Variants in GALNTL6 observed in about 807,000 individuals in gnomAD.
The protein encoded by GALNTL6 is polypeptide N-acetylgalactosaminyltransferase-like 6.
GALNTL6 carries 46 observed loss-of-function variants against 73.7 expected under a neutral mutation model. The observed-to-expected ratio is 0.62, with a 90% CI of 0.49 to 0.80. GALNTL6 has a LOEUF of 0.80. GALNTL6 is among the 30% of genes least tolerant of loss of function. The pLI, the probability that GALNTL6 is intolerant of heterozygous loss-of-function variation, is 0.00. For synonymous variants in GALNTL6, 259 were observed against 263.7 expected, an observed-to-expected ratio of 0.98 and a Z score of 0.17; for missense variants, 604 against 755.0, an observed-to-expected ratio of 0.80 and a Z score of 2.34.
intron 2 of GALNTL6, among the ~76,000 whole-genome samples, chr4:172,156,989 G>A (rs998915293): frequency 6.6e-6 from 1 of 152,044 alleles, no homozygotes; most frequent in African/African-American, 2.4e-5. Context: ...ACTGTTAAGT[G>A]CCATTATCAT....
intron 3 of GALNTL6, among the ~76,000 whole-genome samples, chr4:172,292,110 T>A (rs1376223516): frequency 6.6e-6 from 1 of 152,118 alleles, no homozygotes; most frequent in Non-Finnish European, 1.5e-5. Flanking sequence ...AAACATGTAT[T>A]GTGTATCAAG....
chr4:172,917,592 A>T (rs890190149), intron 8 of GALNTL6, among the ~76,000 whole-genome samples: 2 of 152,240 alleles, frequency 1.3e-5, no homozygotes, highest in Non-Finnish European at 2.9e-5. Flanking sequence ...GGCGAAAGAC[A>T]TGAACAGACA....
intron 2 of GALNTL6, among the ~76,000 whole-genome samples, chr4:172,121,957 C>T (rs1733162020): frequency 6.8e-6 from 1 of 147,580 alleles, no homozygotes; most frequent in Admixed American, 6.8e-5. Flanking sequence ...TTAGGTGACA[C>T]TTTTTTTTTT....
chr4:172,068,628 A>G, intron 2 of GALNTL6, among the ~76,000 whole-genome samples: 1 of 109,454 alleles, frequency 9.1e-6, no homozygotes, highest in East Asian at 2.1e-4. Flanking sequence ...TCTTTATTCC[A>G]TCACTCTAGT....
At chr4:172,648,238 C>T (rs1010425293) in intron 5 of GALNTL6, among the ~76,000 whole-genome samples, 6 of 152,076 alleles carry the variant, frequency 3.9e-5, no homozygotes, top group African/African-American at 1.4e-4. Context: ...CGTTTGGAAG[C>T]CAAAGACTTA....
At chr4:171,922,762 T>C (rs1358013777) in intron 2 of GALNTL6, among the ~76,000 whole-genome samples, 2 of 152,154 alleles carry the variant, frequency 1.3e-5, no homozygotes, top group East Asian at 3.8e-4. Context: ...CTTTAGTATT[T>C]ATTTTCCTGA....
intron 7 of GALNTL6, among the ~76,000 whole-genome samples, chr4:172,842,867 T>A (rs541534114): frequency 1.3e-5 from 2 of 152,106 alleles, no homozygotes; most frequent in Admixed American, 6.5e-5. Flanking sequence ...ATAACCAAAG[T>A]GAGCCGTGAG....
intron 7 of GALNTL6, among the ~76,000 whole-genome samples, chr4:172,824,049 G>C (rs972415126): frequency 6.6e-6 from 1 of 152,170 alleles, no homozygotes; most frequent in South Asian, 2.1e-4. Flanking sequence ...CAGTGGGCTT[G>C]TTGGCGAGTA....
chr4:172,730,666 G>A (rs995397557), intron 5 of GALNTL6, among the ~76,000 whole-genome samples: 2 of 152,140 alleles, frequency 1.3e-5, no homozygotes, highest in Non-Finnish European at 2.9e-5. Flanking sequence ...GTTCTTCAGC[G>A]ATATTGGCCT....
intron 2 of GALNTL6, among the ~76,000 whole-genome samples, chr4:172,122,077 T>G (rs936166498): frequency 1.3e-5 from 2 of 151,502 alleles, no homozygotes; most frequent in African/African-American, 2.4e-5. Flanking sequence ...GACATTTCCT[T>G]GTTTAACCAA....
chr4:172,069,870 G>A (rs1462525288), intron 2 of GALNTL6, among the ~76,000 whole-genome samples: 1 of 107,104 alleles, frequency 9.3e-6, no homozygotes, highest in Non-Finnish European at 2.0e-5. Context: ...CTAGTTGTTC[G>A]GGGAAAAGTA....
chr4:172,277,098 A>G (rs554663003), intron 3 of GALNTL6, among the ~76,000 whole-genome samples: 1 of 152,092 alleles, frequency 6.6e-6, no homozygotes, highest in South Asian at 2.1e-4. Flanking sequence ...TGTTGATACT[A>G]CTTAGTCATC....
chr4:172,558,092 G>A (rs6819906), intron 5 of GALNTL6, among the ~76,000 whole-genome samples: 6,407 of 152,102 alleles, frequency 0.042, 427 homozygotes, highest in African/African-American at 0.14. Flanking sequence ...GATATATCCA[G>A]AAACACTGAT....
At chr4:172,684,282 T>TCATC in intron 5 of GALNTL6, among the ~76,000 whole-genome samples, 1 of 152,318 alleles carries the variant, frequency 6.6e-6, no homozygotes, top group South Asian at 2.1e-4. Context: ...CTTCATTCAT[T>TCATC]CATCCATTCA....
intron 2 of GALNTL6, among the ~76,000 whole-genome samples, chr4:171,954,058 T>A (rs1366544902): frequency 6.6e-6 from 1 of 152,182 alleles, no homozygotes; most frequent in Non-Finnish European, 1.5e-5. Flanking sequence ...ACAAATATAA[T>A]GTGAGGAGTG....
Position 172,757,018 on chromosome 4 carries a change from G to A in GALNTL6, c.554-52343G>A, listed in dbSNP as rs148712425. ...CATTTTATCTGATGTTCTTTTCTTA[G>A]CAAAGATCCTGGAGAGGTTCTAGTT... On this transcript the variant is annotated intron_variant, in intron 5 of 12. Transcript: ENST00000506823. Among the ~76,000 whole-genome samples the A allele has an allele frequency of 9.9e-4, 151 of 152,212 alleles. 2 individuals are homozygous for A. The South Asian group carries it at 0.021, about 21-fold the overall frequency.
At chr4:172,792,369 T>C (rs2110933646) in intron 5 of GALNTL6, among the ~76,000 whole-genome samples, 1 of 152,284 alleles carries the variant, frequency 6.6e-6, no homozygotes, top group South Asian at 2.1e-4. Context: ...TATGTGTGTT[T>C]ATTCAAATAT....
At chr4:172,824,394 GTT>G (rs1491542280) in intron 7 of GALNTL6, among the ~76,000 whole-genome samples, 2,291 of 88,844 alleles carry the variant, frequency 0.026, 56 homozygotes, top group African/African-American at 0.16. Context: ...GTGTGTGTGT[GTT>G]TGTGTGTGTG....
Position 171,815,064 on chromosome 4 carries a change from AG to A in GALNTL6, c.138+348del, listed in dbSNP as rs1485657607. 1.0e-5 allele frequency: 4 copies of A among 396,498 alleles called. No homozygotes were observed. In the Admixed American group the frequency reaches 1.7e-4, roughly 17 times the overall value. 24.6% of individuals were successfully genotyped at this position (396,498 alleles called of 1,614,324 possible). The stretch of plus-strand genomic sequence containing the variant: ...TGGGTTTGGTGCAAGTTTAATGACA[AG>A]GATAGGTTTTTGCTTTCCATTTGGC... On this transcript the variant is annotated intron_variant, in intron 2 of 12. Transcript: ENST00000506823.
Sources: allele counts gnomAD v4.1 joint callset (sites outside exome capture counted in the v4.1 genomes callset), GRCh38; gene constraint gnomAD v4.1.1; transcripts MANE v1.5; gene names NCBI Gene and HGNC (gene_info 2026-07-23, HGNC 2026-07-21).